CDH13: variants seen among roughly 807,000 people sequenced by gnomAD.
CDH13 encodes cadherin-13.
A neutral mutation model predicts 63.8 loss-of-function variants in CDH13; 24 were observed. The ratio of observed to expected loss-of-function variants is 0.38; its 90% confidence interval spans 0.27 to 0.53. The LOEUF (loss-of-function observed/expected upper bound fraction) is 0.53. Among genes scored for constraint, CDH13 ranks in the 20% least tolerant of loss-of-function variants. The pLI, the probability that CDH13 is intolerant of heterozygous loss-of-function variation, is 0.85. For synonymous variants in CDH13, 503 were observed against 355.3 expected (o/e 1.42, Z -4.67); for missense variants, 1,049 against 903.1 (o/e 1.16, Z -2.07).
At chr16:83,335,551 C>G (rs2090574677) in intron 5 of CDH13, among the ~76,000 whole-genome samples, 1 of 152,006 alleles carries the variant, frequency 6.6e-6, no homozygotes, top group African/African-American at 2.4e-5. Context: ...CTCATATTGT[C>G]TTATGCCCAA....
rs1456576828 is a variant in CDH13, at chr16:82,681,713, C to T, written c.45+54576C>T. 5.3e-5 allele frequency among the ~76,000 whole-genome samples: 8 copies of T among 152,364 alleles called. No homozygotes were observed. The East Asian group carries it at 1.4e-3, about 26-fold the overall frequency. ...GTAGCCAGCGCCTGCCTGTGTTTCTCTGCCTGAGGGCTCTCTCCGGCTGCC... is the reference window on the plus strand; with the variant it reads ...GTAGCCAGCGCCTGCCTGTGTTTCTTTGCCTGAGGGCTCTCTCCGGCTGCC... On this transcript the variant is annotated intron_variant, in intron 1 of 13. Coordinates refer to ENST00000567109, the MANE Select transcript of CDH13 (RefSeq NM_001257.5).
chr16:83,789,407 C>T (rs994223026), intron 13 of CDH13, among the ~76,000 whole-genome samples: 13 of 144,290 alleles, frequency 9.0e-5, no homozygotes, highest in South Asian at 2.2e-4. Context: ...AGTGCAAGGG[C>T]GCGATTTTGG....
At chr16:83,659,992 A>G (rs1156824502) in intron 8 of CDH13, among the ~76,000 whole-genome samples, 1 of 151,822 alleles carries the variant, frequency 6.6e-6, no homozygotes, top group African/African-American at 2.4e-5. Context: ...TCGCCATATT[A>G]GTCAGGCTGG....
At chr16:83,283,292 A>T (rs1037307857) in intron 5 of CDH13, among the ~76,000 whole-genome samples, 1 of 152,288 alleles carries the variant, frequency 6.6e-6, no homozygotes, top group South Asian at 2.1e-4. Flanking sequence ...AATGTATTTT[A>T]AAAAGTTCCA....
chr16:82,794,683 A>T (rs28525203), intron 1 of CDH13, among the ~76,000 whole-genome samples: 326 of 152,320 alleles, frequency 2.1e-3, no homozygotes, highest in African/African-American at 7.7e-3. Context: ...GCCATGCCTT[A>T]GCCAAACACC....
intron 7 of CDH13, among the ~76,000 whole-genome samples, chr16:83,592,555 G>A (rs1906860388): frequency 6.6e-6 from 1 of 152,144 alleles, no homozygotes. Flanking sequence ...CTCATCAGTG[G>A]CAGCAGAAGA....
chr16:83,738,352 C>T (rs1911731869), intron 10 of CDH13, among the ~76,000 whole-genome samples: 1 of 152,208 alleles, frequency 6.6e-6, no homozygotes, highest in South Asian at 2.1e-4. Flanking sequence ...TTTATGTATA[C>T]ATCGATACAT....
chr16:83,659,125 G>A (rs1212263548), intron 8 of CDH13, among the ~76,000 whole-genome samples: 2 of 148,514 alleles, frequency 1.3e-5, no homozygotes, highest in Admixed American at 6.7e-5. Context: ...TCACCACCAG[G>A]TCCCATGTCC....
chr16:83,029,930 A>T (rs142613938), intron 2 of CDH13, among the ~76,000 whole-genome samples: 1 of 152,340 alleles, frequency 6.6e-6, no homozygotes, highest in South Asian at 2.1e-4. Flanking sequence ...GTACAATTCT[A>T]TGCTTACCCA....
At chr16:83,438,328 C>T (rs977205764) in intron 6 of CDH13, among the ~76,000 whole-genome samples, 1 of 152,228 alleles carries the variant, frequency 6.6e-6, no homozygotes, top group Non-Finnish European at 1.5e-5. Context: ...GGAACTGAAG[C>T]TCCCCATTGT....
At chr16:82,630,877 C>A (rs1288589936) in intron 1 of CDH13, among the ~76,000 whole-genome samples, 1 of 152,116 alleles carries the variant, frequency 6.6e-6, no homozygotes, top group South Asian at 2.1e-4. Context: ...TCTTGTAATA[C>A]CTGTTGAAAA....
intron 7 of CDH13, among the ~76,000 whole-genome samples, chr16:83,565,954 C>T (rs186670204): frequency 6.6e-6 from 1 of 152,306 alleles, no homozygotes; most frequent in Non-Finnish European, 1.5e-5. Context: ...TCAGCACCCA[C>T]CTCTCATGCT....
At chr16:83,251,920 A>T (rs148731842) in intron 5 of CDH13, among the ~76,000 whole-genome samples, 1 of 152,042 alleles carries the variant, frequency 6.6e-6, no homozygotes, top group East Asian at 1.9e-4. Flanking sequence ...TAAAAGTTTA[A>T]TCTATAGCCC....
At position 83,049,162 on chromosome 16, in the gene CDH13, C is replaced by G. The variant is rs533249905; in HGVS notation, c.366+16944C>G. Reference sequence around the variant, plus strand: ...TTAATTACTTTCTAATGTTGTGCAACCACTACCTTTATCTAGTTCCAAAAT... The same window carrying G: ...TTAATTACTTTCTAATGTTGTGCAAGCACTACCTTTATCTAGTTCCAAAAT... On this transcript the variant is annotated intron_variant, in intron 3 of 13. Transcript: ENST00000567109. Among the ~76,000 whole-genome samples the G allele has an allele frequency of 5.3e-5, 8 of 152,080 alleles. 1 individual carries two copies. The East Asian group carries it at 5.8e-4, about 11-fold the overall frequency.
intron 7 of CDH13, among the ~76,000 whole-genome samples, chr16:83,505,253 G>A (rs1397970441): frequency 6.6e-6 from 1 of 152,176 alleles, no homozygotes; most frequent in Non-Finnish European, 1.5e-5. Flanking sequence ...AGTTCTAACT[G>A]TCATAATGCC....
chr16:82,914,257 A>G (rs1043841618), intron 2 of CDH13, among the ~76,000 whole-genome samples: 5 of 152,166 alleles, frequency 3.3e-5, no homozygotes, highest in Non-Finnish European at 7.4e-5. Context: ...TAGTAATAAT[A>G]ATAATAATGC....
intron 1 of CDH13, among the ~76,000 whole-genome samples, chr16:82,771,468 T>A (rs1055989722): frequency 6.6e-6 from 1 of 152,190 alleles, no homozygotes; most frequent in African/African-American, 2.4e-5. Flanking sequence ...GGGCAATTAA[T>A]CTATTCTGCC....
chr16:82,945,757 G>A (rs1419405401), intron 2 of CDH13, among the ~76,000 whole-genome samples: 5 of 152,230 alleles, frequency 3.3e-5, no homozygotes, highest in Non-Finnish European at 5.9e-5. Flanking sequence ...GACACAAGGC[G>A]TTTTGATAGG....
chr16:83,492,172 A>G (rs879391879), intron 7 of CDH13, among the ~76,000 whole-genome samples: 10 of 150,032 alleles, frequency 6.7e-5, no homozygotes, highest in Admixed American at 3.4e-4. Flanking sequence ...TGTGAAAATG[A>G]TGATATCAAA....
Sources: gnomAD v4.1 joint callset for allele counts (sites outside exome capture counted in the v4.1 genomes callset) on GRCh38, gnomAD v4.1.1 for gene constraint, MANE v1.5 for transcripts, NCBI Gene and HGNC (gene_info 2026-07-23, HGNC 2026-07-21) for gene names.